Variants in CDH18 observed in about 807,000 individuals in gnomAD.
The protein encoded by CDH18 is cadherin 18.
CDH18 carries 31 observed loss-of-function variants against 67.9 expected under a neutral mutation model. The ratio of observed to expected loss-of-function variants is 0.46; its 90% CI spans 0.34 to 0.62. The LOEUF (loss-of-function observed/expected upper bound fraction) is 0.62, where lower values mean the gene tolerates loss of function less well. Among genes scored for constraint, CDH18 ranks in the 20% least tolerant of loss-of-function variants. The pLI is 0.01. For missense variants in CDH18, 890 were observed against 975.5 expected (o/e 0.91, Z 1.17); for synonymous variants, 362 against 347.2 (o/e 1.04, Z -0.48).
chr5:19,826,247 A>G (rs1227419868), intron 3 of CDH18, among the ~76,000 whole-genome samples: 1 of 152,200 alleles, frequency 6.6e-6, no homozygotes. Flanking sequence ...GACCAAATCT[A>G]TGACTCAGTG....
intron 9 of CDH18, among the ~76,000 whole-genome samples, chr5:19,539,109 C>A (rs1217657346): frequency 6.6e-6 from 1 of 152,186 alleles, no homozygotes; most frequent in African/African-American, 2.4e-5. Context: ...TTTCTAAATA[C>A]AGTCTCCCAA....
At chr5:19,507,962 A>G (rs1339194018) in intron 10 of CDH18, among the ~76,000 whole-genome samples, 1 of 152,008 alleles carries the variant, frequency 6.6e-6, no homozygotes, top group African/African-American at 2.4e-5. Context: ...GGATTTGATT[A>G]TCATGTCTTG....
intron 2 of CDH18, among the ~76,000 whole-genome samples, chr5:20,044,898 T>A (rs1041054710): frequency 6.6e-6 from 1 of 152,158 alleles, no homozygotes; most frequent in African/African-American, 2.4e-5. Flanking sequence ...GTTCCAGCCA[T>A]GATCTTTATT....
At chr5:19,621,216 G>GTT (rs3062881) in intron 5 of CDH18, among the ~76,000 whole-genome samples, 9,064 of 140,314 alleles carry the variant, frequency 0.065, 747 homozygotes, top group African/African-American at 0.19. Flanking sequence ...AAGAACCCAG[G>GTT]TTTTTTTTTT....
chr5:19,891,298 T>G, intron 2 of CDH18, among the ~76,000 whole-genome samples: 1 of 152,116 alleles, frequency 6.6e-6, no homozygotes, highest in East Asian at 1.9e-4. Flanking sequence ...TCAGAATTCT[T>G]GTCTGGATGG....
At chr5:19,966,955 T>C (rs1338557266) in intron 2 of CDH18, among the ~76,000 whole-genome samples, 1 of 152,026 alleles carries the variant, frequency 6.6e-6, no homozygotes, top group African/African-American at 2.4e-5. Context: ...AAAAATGTAC[T>C]AATACCAAAC....
chr5:20,350,327 G>A (rs1432853519), intron 1 of CDH18, among the ~76,000 whole-genome samples: 1 of 152,020 alleles, frequency 6.6e-6, no homozygotes, highest in Admixed American at 6.6e-5. Flanking sequence ...TTTATGATAT[G>A]TTTCAATGGT....
intron 10 of CDH18, among the ~76,000 whole-genome samples, chr5:19,505,750 G>A (rs1158171613): frequency 6.6e-6 from 1 of 152,056 alleles, no homozygotes; most frequent in Non-Finnish European, 1.5e-5. Flanking sequence ...TTGTATCGAT[G>A]TTCATCAGGG....
intron 2 of CDH18, among the ~76,000 whole-genome samples, chr5:20,081,032 T>A (rs1199096979): frequency 1.3e-5 from 2 of 152,162 alleles, no homozygotes; most frequent in Non-Finnish European, 2.9e-5. Context: ...ATTTAATTAC[T>A]ATCACCAAGT....
intron 4 of CDH18, among the ~76,000 whole-genome samples, chr5:19,741,699 T>C (rs1221843653): frequency 6.6e-6 from 1 of 152,274 alleles, no homozygotes; most frequent in East Asian, 1.9e-4. Context: ...ATTTAACAAA[T>C]ATATTATTCA....
chr5:19,982,042 A>G (rs12659927), intron 1 of CDH18, among the ~76,000 whole-genome samples: 64,917 of 152,026 alleles, frequency 0.43, 16,159 homozygotes, highest in Middle Eastern at 0.64. Flanking sequence ...AATTTACTAT[A>G]TAACAGGAAA....
Position 20,295,573 on chromosome 5 carries a change from A to G in CDH18, c.-579-40068T>C, listed in dbSNP as rs191090795. ...GAAACCCCGTCTCTACTAAAAATACAAAAATTAGTTGGGCATGGTGGCGTG... is the reference window on the plus strand; with the variant it reads ...GAAACCCCGTCTCTACTAAAAATACGAAAATTAGTTGGGCATGGTGGCGTG... On this transcript the variant is annotated intron_variant, in intron 1 of 14. Coordinates refer to the CDH18 transcript ENST00000507958. Among the ~76,000 whole-genome samples, 149 of 151,770 alleles carry G rather than the reference A, an allele frequency of 9.8e-4. 1 individual carries two copies. Among genetic ancestry groups the G allele is most frequent in the African/African-American group, 3.4e-3 (141 of 41,490 alleles).
chr5:19,684,947 CT>C (rs553760380), intron 5 of CDH18, among the ~76,000 whole-genome samples: 106 of 152,156 alleles, frequency 7.0e-4, no homozygotes, highest in African/African-American at 2.5e-3. Context: ...GAGTCACATA[CT>C]TTTTTATTCA....
chr5:19,994,851 T>TAGAGAGAGAGAGAGAGAGAG (rs796697683), intron 2 of CDH18, among the ~76,000 whole-genome samples: 2 of 39,200 alleles, frequency 5.1e-5, no homozygotes, highest in African/African-American at 2.5e-4. Flanking sequence ...TATATATATA[T>TAGAGAGAGAGAGAGAGAGAG]ATATAGAGAG....
intron 1 of CDH18, among the ~76,000 whole-genome samples, chr5:20,335,285 G>A (rs1429459258): frequency 6.6e-6 from 1 of 152,036 alleles, no homozygotes; most frequent in East Asian, 1.9e-4. Context: ...TCTTTTACCA[G>A]TTATAAAAGC....
At chr5:20,468,267 T>C (rs4418105) in intron 1 of CDH18, among the ~76,000 whole-genome samples, 119,546 of 152,044 alleles carry the variant, frequency 0.79, 47,234 homozygotes, top group Admixed American at 0.86. Flanking sequence ...CTGCCTGCCT[T>C]GGCCTCCCAA....
chr5:20,298,129 G>A (rs116345108), intron 1 of CDH18, among the ~76,000 whole-genome samples: 2,671 of 152,146 alleles, frequency 0.018, 31 homozygotes, highest in Admixed American at 0.026. Context: ...AAGTGTTTGC[G>A]TGGGCAGAAC....
rs180871515 is a variant in CDH18, at chr5:20,393,956, T to C, written c.-579-138451A>G. On this transcript the variant is annotated intron_variant, in intron 1 of 14. Coordinates refer to the CDH18 transcript ENST00000507958. ...TCAGTCAGGCTCATGGACTTCATAA[T>C]TCAATATCATGACAATGACCATACT... 2.6e-5 allele frequency among the ~76,000 whole-genome samples: 4 copies of C among 152,040 alleles called. No homozygotes were observed. The East Asian group carries it at 7.7e-4, about 29-fold the overall frequency.
At chr5:20,405,476 T>C (rs189789398) in intron 1 of CDH18, among the ~76,000 whole-genome samples, 22 of 152,250 alleles carry the variant, frequency 1.4e-4, no homozygotes, top group African/African-American at 5.3e-4. Context: ...CCTAAAACCA[T>C]AAAAACCTGA....
Sources: allele counts gnomAD v4.1 joint callset (sites outside exome capture counted in the v4.1 genomes callset), GRCh38; gene constraint gnomAD v4.1.1; transcripts MANE v1.5; gene names NCBI Gene and HGNC (gene_info 2026-07-23, HGNC 2026-07-21).